ATP2C1: variants seen among roughly 807,000 people sequenced by gnomAD.
The protein encoded by ATP2C1 is calcium-transporting ATPase type 2C member 1.
A neutral mutation model predicts 120.5 loss-of-function variants in ATP2C1; 31 were observed. The observed-to-expected ratio is 0.26, with a 90% CI of 0.19 to 0.35. The LOEUF is 0.35. Ranked by LOEUF, ATP2C1 falls within the 10% of genes least tolerant of loss-of-function variation. ATP2C1 has a pLI of 1.00. For synonymous variants in ATP2C1, 351 were observed against 358.7 expected (o/e 0.98, Z 0.24); for missense variants, 731 against 1,107.5 (o/e 0.66, Z 4.83).
chr3:130,853,015 C>G, intron 1 of ATP2C1, among the ~76,000 whole-genome samples: 1 of 152,196 alleles, frequency 6.6e-6, no homozygotes, highest in Non-Finnish European at 1.5e-5. Flanking sequence ...TTCCTATATT[C>G]ACATAGCACT....
At chr3:130,884,116 C>G (rs778168223) in intron 1 of ATP2C1, among the ~76,000 whole-genome samples, 1 of 151,266 alleles carries the variant, frequency 6.6e-6, no homozygotes, top group Non-Finnish European at 1.5e-5. Context: ...AATTTTTGTA[C>G]TTTTAGTAGA....
At chr3:130,925,497 T>C (rs755323326) in intron 2 of ATP2C1, among the ~76,000 whole-genome samples, 14 of 152,168 alleles carry the variant, frequency 9.2e-5, no homozygotes, top group Non-Finnish European at 1.8e-4. Flanking sequence ...TGAAGTAGAC[T>C]CTGTGAGGGT....
chr3:130,926,357 A>G (rs2059205282), intron 2 of ATP2C1, among the ~76,000 whole-genome samples: 1 of 152,238 alleles, frequency 6.6e-6, no homozygotes, highest in Non-Finnish European at 1.5e-5. Flanking sequence ...AAATAAAACA[A>G]ACACAAAAAC....
chr3:130,851,684 T>C (rs1251836186), intron 1 of ATP2C1, among the ~76,000 whole-genome samples: 5 of 152,234 alleles, frequency 3.3e-5, no homozygotes, highest in Admixed American at 3.3e-4. Context: ...TTAGAAGAAG[T>C]AGCAATATCT....
intron 22 of ATP2C1, among the ~76,000 whole-genome samples, 199 bp from the exon 23 acceptor site, chr3:130,995,844 C>T (rs2062593139): frequency 6.6e-6 from 1 of 152,070 alleles, no homozygotes; most frequent in Admixed American, 6.6e-5. Flanking sequence ...TTTCGCTGCA[C>T]CATGGTGGCC....
intron 14 of ATP2C1, among the ~76,000 whole-genome samples, chr3:130,966,719 A>G (rs1020029716): frequency 1.3e-5 from 2 of 152,156 alleles, no homozygotes; most frequent in African/African-American, 4.8e-5. Flanking sequence ...ATATATCTCA[A>G]TGTCTCCAGG....
chr3:130,982,258 T>C (rs1161459693), intron 20 of ATP2C1, among the ~76,000 whole-genome samples: 1 of 152,242 alleles, frequency 6.6e-6, no homozygotes, highest in Non-Finnish European at 1.5e-5. Context: ...TCCAGCAACA[T>C]TTGTTGAAAA....
chr3:130,885,452 G>A (rs553469623), intron 1 of ATP2C1, among the ~76,000 whole-genome samples: 1 of 152,048 alleles, frequency 6.6e-6, no homozygotes, highest in African/African-American at 2.4e-5. Flanking sequence ...TAGTGAAGGT[G>A]ATTTTCTCTG....
intron 1 of ATP2C1, among the ~76,000 whole-genome samples, chr3:130,881,373 C>T (rs1339534203): frequency 1.3e-5 from 2 of 151,744 alleles, no homozygotes; most frequent in African/African-American, 2.4e-5. Context: ...TCCCCCTCCC[C>T]CTTCCCCTCC....
In ATP2C1 at chr3:131,003,107, C is replaced by A; in HGVS notation, c.*1757C>A. The A allele has an allele frequency of 3.1e-6, 3 of 981,792 alleles. No individual in the cohort carries two copies. Among genetic ancestry groups the A allele is most frequent in the Non-Finnish European group, 3.6e-6 (3 of 826,202 alleles). The allele number at this position is 981,792 out of a possible 1,614,324, so 60.8% of individuals were successfully genotyped here. On this transcript the variant is annotated 3_prime_UTR_variant, in exon 28 of 28. Transcript: ENST00000510168. ...ATTGAAATAAATGTGCCTATACATT[C>A]ATTTGCTTTGTACTATAAAAATAAA... is the stretch of plus-strand genomic sequence containing the variant.
chr3:130,920,523 G>C (rs750317944), intron 2 of ATP2C1, among the ~76,000 whole-genome samples: 6 of 151,994 alleles, frequency 3.9e-5, no homozygotes, highest in Non-Finnish European at 7.4e-5. Context: ...CTGTGTTCTT[G>C]TGGCTCTATA....
At chr3:130,925,938 A>C (rs151127985) in intron 2 of ATP2C1, among the ~76,000 whole-genome samples, 1 of 152,222 alleles carries the variant, frequency 6.6e-6, no homozygotes, top group African/African-American at 2.4e-5. Context: ...CCTTGCTTCC[A>C]TGCAACCTGT....
At chr3:130,954,059 A>G in intron 9 of ATP2C1, 83 bp downstream of exon 9, 1 of 1,410,388 alleles carries the variant, frequency 7.1e-7, no homozygotes, top group Non-Finnish European at 1.0e-6. Context: ...TTTTATGTGG[A>G]ATTTTTCAAA....
intron 2 of ATP2C1, among the ~76,000 whole-genome samples, chr3:130,924,941 C>G (rs2059136561): frequency 1.3e-5 from 2 of 151,926 alleles, no homozygotes; most frequent in Non-Finnish European, 2.9e-5. Context: ...TTTATTTATG[C>G]TATATATTTC....
chr3:130,911,335 CT>C (rs985059636), intron 2 of ATP2C1, among the ~76,000 whole-genome samples: 36 of 150,514 alleles, frequency 2.4e-4, no homozygotes, highest in African/African-American at 8.3e-4. Flanking sequence ...TGATTCTTCT[CT>C]CTTTTTTTCT....
At chr3:131,016,123 A>G (rs759856916) in intron 26 of ATP2C1, 37 of 1,612,532 alleles carry the variant, frequency 2.3e-5, no homozygotes, top group Non-Finnish European at 2.7e-5. Context: ...CATCTGAACT[A>G]AAGTTTCCCA....
At chr3:130,980,803 T>C (rs2061723567) in intron 20 of ATP2C1, 124 bp downstream of exon 20, 2 of 752,518 alleles carry the variant, frequency 2.7e-6, no homozygotes, top group Non-Finnish European at 4.6e-6. Context: ...CCAGATTTGT[T>C]GGTTCAAATC....
rs1160040973 is a variant in ATP2C1 at position 130,894,642 on chromosome 3, G to C, written c.-128G>C. On this transcript the variant is annotated 5_prime_UTR_variant, in exon 2 of 28. Transcript: ENST00000510168. This position sits in a 1 kb window ranked among gnomAD's most constrained non-coding sequence, Gnocchi z 4.5. ...GCCGTGGGACGCGTGGCCGGGAGCGGGGGTGACAGCCTGGGATTCCGGGGG... is the reference window on the plus strand; with the variant it reads ...GCCGTGGGACGCGTGGCCGGGAGCGCGGGTGACAGCCTGGGATTCCGGGGG... The C allele has an allele frequency of 6.2e-6, 10 of 1,604,908 alleles. No homozygotes were observed. The highest frequency in any genetic ancestry group is 3.4e-5 in the Admixed American group (2 of 59,352).
intron 27 of ATP2C1, among the ~76,000 whole-genome samples, chr3:131,000,240 G>A (rs912014878): frequency 6.6e-6 from 1 of 152,128 alleles, no homozygotes; most frequent in African/African-American, 2.4e-5. Flanking sequence ...TGACAGTAAT[G>A]CTATCCTTTA....
Sources: gnomAD v4.1 joint callset for allele counts (sites outside exome capture counted in the v4.1 genomes callset) on GRCh38, gnomAD v4.1.1 for gene constraint, Gnocchi (gnomAD v3.1) non-coding constraint, MANE v1.5 for transcripts, NCBI Gene and HGNC (gene_info 2026-07-23, HGNC 2026-07-21) for gene names.